The following ANK2 variants were observed in gnomAD, a reference collection of about 807,000 sequenced individuals.
ANK2 encodes the protein ankyrin 2.
ANK2 carries 83 observed loss-of-function variants against 360.5 expected under a neutral mutation model. That is an observed-to-expected ratio of 0.23 (90% CI 0.19 to 0.28). The LOEUF is 0.28. Ranked by LOEUF, ANK2 falls within the 10% of genes least tolerant of loss-of-function variation. The probability of loss-of-function intolerance (pLI) is 1.00; values close to 1 mark genes in which losing one functional copy is unlikely to be tolerated. For synonymous variants in ANK2, 1,740 were observed against 1,759.5 expected, an observed-to-expected ratio of 0.99 and a Z score of 0.28; for missense variants, 4,201 against 4,795.7, an observed-to-expected ratio of 0.88 and a Z score of 3.66.
chr4:113,187,117 G>A (rs140540232), intron 2 of ANK2, among the ~76,000 whole-genome samples: 4 of 152,200 alleles, frequency 2.6e-5, no homozygotes, highest in African/African-American at 9.6e-5. Flanking sequence ...TATGCAGGCT[G>A]GAGTGGGCAG....
chr4:113,359,335 A>G (rs1427329143), intron 38 of ANK2, 36 bp downstream of exon 38: 1 of 1,610,374 alleles, frequency 6.2e-7, no homozygotes. Flanking sequence ...TGTGCTACGC[A>G]TGTCATAAAA....
intron 4 of ANK2, among the ~76,000 whole-genome samples, chr4:113,230,267 T>C (rs749893946): frequency 5.9e-5 from 9 of 152,218 alleles, no homozygotes; most frequent in Non-Finnish European, 1.2e-4. Context: ...CTTGGTCTAC[T>C]TGTATACTCT....
intron 13 of ANK2, among the ~76,000 whole-genome samples, chr4:113,258,672 T>C (rs2050866277): frequency 6.6e-6 from 1 of 152,216 alleles, no homozygotes; most frequent in Admixed American, 6.5e-5. Context: ...GGATTGAACA[T>C]GCATCTTAAA....
chr4:113,043,658 C>T (rs1034463635), intron 2 of ANK2, among the ~76,000 whole-genome samples: 1 of 151,768 alleles, frequency 6.6e-6, no homozygotes, highest in Non-Finnish European at 1.5e-5. Context: ...CCACTGATAA[C>T]AAAAGTATAA....
At chr4:112,838,335 A>T (rs937763842) in intron 1 of ANK2, among the ~76,000 whole-genome samples, 28 of 152,172 alleles carry the variant, frequency 1.8e-4, no homozygotes, top group Non-Finnish European at 4.0e-4. Context: ...TTTATTTATA[A>T]ATTATCCAGC....
At chr4:112,819,464 T>C (rs2056367044) in intron 1 of ANK2, among the ~76,000 whole-genome samples, 1 of 152,162 alleles carries the variant, frequency 6.6e-6, no homozygotes, top group South Asian at 2.1e-4. Context: ...TTGAAGAAAC[T>C]TTTGGGTGAG....
intron 1 of ANK2, among the ~76,000 whole-genome samples, chr4:113,053,970 T>G (rs1247740487): frequency 6.6e-6 from 1 of 152,152 alleles, no homozygotes; most frequent in East Asian, 1.9e-4. Context: ...CCACACACTT[T>G]CCAATTTTGT....
At chr4:112,710,479 C>T in the ANK2 span, among the ~76,000 whole-genome samples, 2 of 151,950 alleles carry the variant, frequency 1.3e-5, no homozygotes, top group African/African-American at 2.4e-5. Context: ...GCGGATTGCC[C>T]GAGGTCAGGA....
At chr4:112,957,800 G>C (rs2031063957) in intron 2 of ANK2, among the ~76,000 whole-genome samples, 1 of 150,280 alleles carries the variant, frequency 6.7e-6, no homozygotes, top group African/African-American at 2.5e-5. Context: ...TTCTCAGACG[G>C]GGCGGCTGCC....
rs571342302 is a variant in ANK2 at position 113,366,560 on chromosome 4, C to G, written c.11033-1006C>G. Reference sequence around the variant, plus strand: ...ATCGCACTGGTCCTGCACGCCTGGCCTCCTTGCCATTTCTGGAGCACCCTC... The same window carrying G: ...ATCGCACTGGTCCTGCACGCCTGGCGTCCTTGCCATTTCTGGAGCACCCTC... On this transcript the variant is annotated intron_variant, in intron 41 of 45. Transcript: ENST00000357077. Among the ~76,000 whole-genome samples the G allele has an allele frequency of 5.9e-5, 9 of 151,328 alleles. No individual in the cohort carries two copies. The East Asian group carries it at 1.5e-3, about 26-fold the overall frequency.
chr4:113,346,932 T>A (rs1400707349), intron 35 of ANK2, among the ~76,000 whole-genome samples: 1 of 152,180 alleles, frequency 6.6e-6, no homozygotes, highest in Non-Finnish European at 1.5e-5. Context: ...TAAATTTTTT[T>A]AACCAATATT....
chr4:113,048,270 ATATATATTTT>A (rs1454648674), upstream of ANK2, among the ~76,000 whole-genome samples: 30 of 62,240 alleles, frequency 4.8e-4, no homozygotes, highest in African/African-American at 1.8e-3. Flanking sequence ...ATATATATAT[ATATATATTTT>A]TTTTTTTTTT....
chr4:112,878,700 C>T (rs1231551001), intron 1 of ANK2, among the ~76,000 whole-genome samples: 8 of 151,960 alleles, frequency 5.3e-5, no homozygotes. Flanking sequence ...GTGGCGCGAT[C>T]TAGGCTCACT....
chr4:113,292,520 G>A lies in ANK2; in HGVS notation c.2376+6G>A. The A allele has an allele frequency of 6.2e-7, 1 of 1,601,304 alleles. No individual in the cohort carries two copies. Among genetic ancestry groups the A allele is most frequent in the East Asian group, 2.3e-5 (1 of 44,196 alleles). ...AGCCCAACGCCACCACTGCGGTAAG[G>A]CAGACGCCACTGCCCCTCACCACGC... is the stretch of plus-strand genomic sequence containing the variant. On this transcript the variant is annotated splice_donor_region_variant and intron_variant, in intron 21 of 45. Transcript: ENST00000357077.
chr4:113,156,389 A>ATTTTTTTTTC (rs1562481290), intron 1 of ANK2, among the ~76,000 whole-genome samples: 1 of 137,940 alleles, frequency 7.2e-6, no homozygotes, highest in African/African-American at 2.7e-5. Flanking sequence ...TTTGTTTTTG[A>ATTTTTTTTTC]GACAGAGTTT....
chr4:113,277,808 G>C lies in ANK2; in HGVS notation c.1684-29G>C, dbSNP rs200335656. The C allele has an allele frequency of 1.9e-5, 29 of 1,545,482 alleles. No homozygotes were observed. The Admixed American group carries it at 2.0e-4, about 11-fold the overall frequency. ...TTTGAGGAGTTACAACAATAAATAC[G>C]ATTTTACTTTTGTTTCTCACATTTT... On this transcript the variant is annotated intron_variant, in intron 15 of 45. Coordinates refer to ENST00000357077, the MANE Select transcript of ANK2 (RefSeq NM_001148.6).
the ANK2 span, among the ~76,000 whole-genome samples, chr4:112,767,385 AC>A: frequency 6.6e-6 from 1 of 151,970 alleles, no homozygotes; most frequent in Admixed American, 6.6e-5. Context: ...ACATGGTGAA[AC>A]CCCGTCTCTA....
intron 22 of ANK2, among the ~76,000 whole-genome samples, chr4:113,301,423 G>A (rs2153789950): frequency 6.6e-6 from 1 of 150,838 alleles, no homozygotes; most frequent in East Asian, 1.9e-4. Context: ...ATTGTGAAAT[G>A]GCTAAATCAA....
At chr4:112,791,037 T>A in the ANK2 span, among the ~76,000 whole-genome samples, 1 of 152,174 alleles carries the variant, frequency 6.6e-6, no homozygotes, top group Non-Finnish European at 1.5e-5. Flanking sequence ...ATCTCTTTAT[T>A]TGAAGAAAAA....
Sources: allele counts gnomAD v4.1 joint callset (sites outside exome capture counted in the v4.1 genomes callset), GRCh38; gene constraint gnomAD v4.1.1; transcripts MANE v1.5; gene names NCBI Gene and HGNC (gene_info 2026-07-23, HGNC 2026-07-21).